Variants in TMEM45A observed in about 807,000 individuals in gnomAD.
TMEM45A encodes the protein DNA polymerase-transactivated protein 4.
TMEM45A carries 25 observed loss-of-function variants against 32.0 expected under a neutral mutation model. The observed-to-expected ratio is 0.78, with a 90% CI of 0.57 to 1.09. The LOEUF (loss-of-function observed/expected upper bound fraction) is 1.09, where lower values mean the gene tolerates loss of function less well. Among genes scored for constraint, TMEM45A ranks in the 50% least tolerant of loss-of-function variants. TMEM45A has a pLI of 0.00. For missense variants in TMEM45A, 302 were observed against 325.0 expected, an observed-to-expected ratio of 0.93 and a Z score of 0.54; for synonymous variants, 122 against 114.8, an observed-to-expected ratio of 1.06 and a Z score of -0.40.
intron 5 of TMEM45A, chr3:100,572,940 G>T (rs1340751561): frequency 3.3e-5 from 5 of 151,702 alleles, no homozygotes; most frequent in Admixed American, 2.0e-4. Context: ...TGAGGGCTCT[G>T]TTCTGTTCCA....
At chr3:100,519,377 G>C (rs1220143355) in intron 1 of TMEM45A, 4 of 584,950 alleles carry the variant, frequency 6.8e-6, no homozygotes, top group East Asian at 2.8e-5. Flanking sequence ...GGTTGTGTGT[G>C]TGTGTGTGCA....
At chr3:100,553,312 A>G (rs2148979288) in intron 1 of TMEM45A, among the ~76,000 whole-genome samples, 1 of 152,260 alleles carries the variant, frequency 6.6e-6, no homozygotes, top group Admixed American at 6.5e-5. Context: ...CTATTTTTTT[A>G]ACTAAATATG....
chr3:100,498,665 A>T lies in TMEM45A; in HGVS notation c.-4+5737A>T, dbSNP rs566912082. Among the ~76,000 whole-genome samples the T allele has an allele frequency of 2.0e-5, 3 of 152,270 alleles. No individual in the cohort carries two copies. The East Asian group carries it at 5.8e-4, about 29-fold the overall frequency. On this transcript the variant is annotated intron_variant, in intron 1 of 5. Coordinates refer to ENST00000323523, the MANE Select transcript of TMEM45A (RefSeq NM_018004.3). Reference sequence around the variant, plus strand: ...AATACACCATCTTTTGGCTACTGGGAATAATGCTGCGATAAACATTGGTGT... The same window carrying T: ...AATACACCATCTTTTGGCTACTGGGTATAATGCTGCGATAAACATTGGTGT...
At chr3:100,506,090 T>C (rs1186580068) in intron 1 of TMEM45A, among the ~76,000 whole-genome samples, 2 of 151,990 alleles carry the variant, frequency 1.3e-5, no homozygotes, top group East Asian at 3.9e-4. Context: ...GGGGCCAAGC[T>C]TGTGGGGGGA....
chr3:100,522,245 G>A (rs1005973835), intron 1 of TMEM45A, among the ~76,000 whole-genome samples: 15 of 152,294 alleles, frequency 9.8e-5, no homozygotes, highest in African/African-American at 3.6e-4. Flanking sequence ...GCAGTGGTTT[G>A]GGGGGCTGAC....
rs1708215972 is a variant in TMEM45A, at chr3:100,514,041, G to T, written c.-4+21113G>T. Among the ~76,000 whole-genome samples the T allele has an allele frequency of 2.6e-5, 4 of 152,274 alleles. No homozygotes were observed. In the South Asian group the frequency reaches 8.3e-4, roughly 32 times the overall value. On this transcript the variant is annotated intron_variant, in intron 1 of 5. Coordinates refer to ENST00000323523, the MANE Select transcript of TMEM45A (RefSeq NM_018004.3). The stretch of plus-strand genomic sequence containing the variant: ...AGGAAGAATCAATATCGTGAAAATG[G>T]CCATACTGCCCAAGGTAATTTATAG...
chr3:100,574,859 T>C (rs889288970), intron 5 of TMEM45A, among the ~76,000 whole-genome samples: 2 of 152,208 alleles, frequency 1.3e-5, no homozygotes, highest in African/African-American at 4.8e-5. Flanking sequence ...TTTATATACT[T>C]TTCAATTTTA....
intron 1 of TMEM45A, among the ~76,000 whole-genome samples, chr3:100,521,883 C>T (rs2148948190): frequency 6.6e-6 from 1 of 152,322 alleles, no homozygotes; most frequent in African/African-American, 2.4e-5. Context: ...TTCTGCCCAG[C>T]TTAGTAGTAA....
At chr3:100,576,802 C>T in intron 5 of TMEM45A, 123 bp from the exon 6 acceptor site, 1 of 770,516 alleles carries the variant, frequency 1.3e-6, no homozygotes, top group Non-Finnish European at 2.2e-6. Context: ...AAGTAATTTT[C>T]CTTTTTGGGT....
chr3:100,531,126 G>A (rs1011825456), intron 1 of TMEM45A, among the ~76,000 whole-genome samples: 15 of 151,950 alleles, frequency 9.9e-5, no homozygotes, highest in South Asian at 4.2e-4. Flanking sequence ...TTCTAAATTC[G>A]ATCATTTCTT....
At chr3:100,508,702 A>T (rs1015096392) in intron 1 of TMEM45A, among the ~76,000 whole-genome samples, 1 of 152,146 alleles carries the variant, frequency 6.6e-6, no homozygotes, top group Non-Finnish European at 1.5e-5. Flanking sequence ...AAAAACATAT[A>T]TTGGGGAAAG....
At chr3:100,554,834 TG>T (rs1343434349) in intron 1 of TMEM45A, among the ~76,000 whole-genome samples, 1 of 152,198 alleles carries the variant, frequency 6.6e-6, no homozygotes, top group Non-Finnish European at 1.5e-5. Context: ...ATGGAACTTT[TG>T]CTTAATATTT....
chr3:100,548,330 A>G (rs947962737), intron 1 of TMEM45A, among the ~76,000 whole-genome samples: 2 of 152,186 alleles, frequency 1.3e-5, no homozygotes, highest in African/African-American at 4.8e-5. Flanking sequence ...TTGTCTCCAC[A>G]TGCTCATTCA....
intron 4 of TMEM45A, among the ~76,000 whole-genome samples, chr3:100,564,151 G>T (rs1473635130): frequency 6.6e-6 from 1 of 152,150 alleles, no homozygotes; most frequent in Non-Finnish European, 1.5e-5. Context: ...AGGGAAAGAG[G>T]AAGTTATTGT....
chr3:100,550,906 G>C (rs774442260), intron 1 of TMEM45A, among the ~76,000 whole-genome samples: 1 of 152,178 alleles, frequency 6.6e-6, no homozygotes, highest in Non-Finnish European at 1.5e-5. Context: ...ATTAGAAGTG[G>C]AGGGCTTCTT....
At chr3:100,515,611 T>C (rs576083954) in intron 1 of TMEM45A, among the ~76,000 whole-genome samples, 2 of 144,170 alleles carry the variant, frequency 1.4e-5, no homozygotes, top group East Asian at 4.0e-4. Context: ...ACATGTACCC[T>C]AAAACTTAAA....
intron 1 of TMEM45A, among the ~76,000 whole-genome samples, chr3:100,537,925 A>G (rs1705775735): frequency 6.6e-6 from 1 of 152,184 alleles, no homozygotes; most frequent in African/African-American, 2.4e-5. Context: ...ACTGAGAAAC[A>G]GCTTTCTCGT....
chr3:100,522,540 G>T (rs1705456054), intron 1 of TMEM45A, among the ~76,000 whole-genome samples: 2 of 152,136 alleles, frequency 1.3e-5, no homozygotes, highest in East Asian at 1.9e-4. Context: ...ACTCTCTGGT[G>T]CTGGCCTATA....
intron 1 of TMEM45A, among the ~76,000 whole-genome samples, chr3:100,504,197 A>G (rs1708048140): frequency 6.6e-6 from 1 of 152,108 alleles, no homozygotes; most frequent in African/African-American, 2.4e-5. Context: ...ATCTGTGGTA[A>G]AGGACCATTT....
Sources: allele counts gnomAD v4.1 joint callset (sites outside exome capture counted in the v4.1 genomes callset), GRCh38; gene constraint gnomAD v4.1.1; transcripts MANE v1.5; gene names NCBI Gene and HGNC (gene_info 2026-07-23, HGNC 2026-07-21).